The following TMEM135 variants were observed in gnomAD, a reference collection of about 807,000 sequenced individuals.
TMEM135 encodes the protein transmembrane protein 135, also known as peroxisomal membrane protein 52.
Under a neutral mutation model 60.3 loss-of-function variants are expected in TMEM135, and 30 were observed. That is an observed-to-expected ratio of 0.50 (90% confidence interval 0.37 to 0.68). The LOEUF (loss-of-function observed/expected upper bound fraction) is 0.68, where lower values mean the gene tolerates loss of function less well. TMEM135 is among the 30% of genes least tolerant of loss of function. The probability of loss-of-function intolerance (pLI) is 0.00; values close to 1 mark genes in which losing one functional copy is unlikely to be tolerated. For missense variants in TMEM135, 468 were observed against 548.8 expected, an observed-to-expected ratio of 0.85 and a Z score of 1.47; for synonymous variants, 190 against 186.7, an observed-to-expected ratio of 1.02 and a Z score of -0.14.
chr11:87,317,691 G>C (rs1942756380), intron 12 of TMEM135, among the ~76,000 whole-genome samples: 1 of 152,160 alleles, frequency 6.6e-6, no homozygotes, highest in Non-Finnish European at 1.5e-5. Context: ...AGTTGAAGAA[G>C]AGAAGGCTGT....
At chr11:87,250,890 C>T (rs76727534) in intron 6 of TMEM135, among the ~76,000 whole-genome samples, 59 of 152,194 alleles carry the variant, frequency 3.9e-4, no homozygotes, top group Admixed American at 2.9e-3. Flanking sequence ...GGGAGTATAT[C>T]ACAGGTAATA....
chr11:87,327,444 T>C lies in TMEM135; in HGVS notation c.*6111T>C. On this transcript the variant is annotated 3_prime_UTR_variant, in exon 15 of 15. Coordinates refer to ENST00000305494, the MANE Select transcript of TMEM135 (RefSeq NM_022918.4). The stretch of plus-strand genomic sequence containing the variant: ...CATTAACCATCTGCATTTGAGCATT[T>C]TGAGAAAATAAACCTCTATTTCTTA... 1 of 454,026 alleles carries C rather than the reference T, an allele frequency of 2.2e-6. No homozygotes were observed. The highest frequency in any genetic ancestry group is 4.4e-6 in the Non-Finnish European group (1 of 226,778). 28.1% of individuals were successfully genotyped at this position (454,026 alleles called of 1,614,324 possible).
rs554263481 is a variant in TMEM135 at position 87,315,667 on chromosome 11, C to G, written c.1077+1120C>G. Among the ~76,000 whole-genome samples, 10 of 151,926 alleles carry G rather than the reference C, an allele frequency of 6.6e-5. No homozygotes were observed. In the South Asian group the frequency reaches 2.1e-3, roughly 32 times the overall value. On this transcript the variant is annotated intron_variant, in intron 12 of 14. Coordinates refer to ENST00000305494, the MANE Select transcript of TMEM135 (RefSeq NM_022918.4). ...CTGAAATTGTTCTAAATGCATTTTT[C>G]CTTTTCAACTATTTGGTTACTCTGA...
intron 10 of TMEM135, among the ~76,000 whole-genome samples, chr11:87,313,027 T>G (rs188941258): frequency 3.2e-4 from 48 of 152,000 alleles, no homozygotes; most frequent in African/African-American, 1.0e-3. Context: ...GGAAAAAATC[T>G]TTGTTTCACC....
chr11:87,157,074 GTTTTTTT>G (rs199977904), intron 4 of TMEM135, among the ~76,000 whole-genome samples: 2 of 137,876 alleles, frequency 1.5e-5, no homozygotes, highest in Non-Finnish European at 3.1e-5. Context: ...TCTTTCTTTT[GTTTTTTT>G]TTTTTTTTAG....
In TMEM135 at chr11:87,244,146, A is replaced by G. The variant is rs1591133027; in HGVS notation, c.509+7462A>G. ...GTCTTTGGCTCTGTTTATATGCTGG[A>G]TTACATTTATTGATTTGCGTATATT... On this transcript the variant is annotated intron_variant, in intron 6 of 14. Coordinates refer to ENST00000305494, the MANE Select transcript of TMEM135 (RefSeq NM_022918.4). Among the ~76,000 whole-genome samples, 2 of 70,218 alleles carry G rather than the reference A, an allele frequency of 2.8e-5. 1 individual carries two copies. The allele number at this position is 70,218 out of a possible 152,430, so 46.1% of individuals were successfully genotyped here. A position where few individuals can be genotyped will look rare whatever the true frequency, so the allele number is the denominator to read the frequency against.
intron 6 of TMEM135, among the ~76,000 whole-genome samples, chr11:87,267,611 C>T (rs1365467827): frequency 2.0e-5 from 3 of 152,096 alleles, no homozygotes; most frequent in Admixed American, 1.3e-4. Flanking sequence ...TTTTGTGATA[C>T]ACTATATAAA....
intron 3 of TMEM135, among the ~76,000 whole-genome samples, chr11:87,077,111 C>T (rs898528390): frequency 6.6e-6 from 1 of 152,180 alleles, no homozygotes; most frequent in South Asian, 2.1e-4. Flanking sequence ...CAAGGATTGC[C>T]CTTGAACTAT....
chr11:87,076,260 C>T (rs1292709824), intron 3 of TMEM135, among the ~76,000 whole-genome samples: 1 of 152,228 alleles, frequency 6.6e-6, no homozygotes, highest in Non-Finnish European at 1.5e-5. Flanking sequence ...TAAAGTCCTT[C>T]CCACTCTTCC....
chr11:87,159,635 C>T (rs547947660), intron 5 of TMEM135, among the ~76,000 whole-genome samples: 73 of 142,432 alleles, frequency 5.1e-4, no homozygotes, highest in East Asian at 1.1e-3. Context: ...TTTTCCGAGA[C>T]GGTTGGCTAA....
intron 4 of TMEM135, among the ~76,000 whole-genome samples, chr11:87,150,550 C>G (rs747381864): frequency 6.6e-6 from 1 of 152,306 alleles, no homozygotes; most frequent in Admixed American, 6.5e-5. Context: ...ATATTCTGTT[C>G]AAACTGTGTA....
chr11:87,229,509 C>A (rs1940841749), intron 5 of TMEM135, among the ~76,000 whole-genome samples: 2 of 152,134 alleles, frequency 1.3e-5, no homozygotes, highest in Non-Finnish European at 2.9e-5. Context: ...TAGCTACTTT[C>A]ATATGCTGTT....
At chr11:87,123,988 T>C (rs1326225169) in intron 4 of TMEM135, among the ~76,000 whole-genome samples, 1 of 152,214 alleles carries the variant, frequency 6.6e-6, no homozygotes, top group Admixed American at 6.5e-5. Flanking sequence ...TGAAACTAAG[T>C]GATGATAATG....
At chr11:87,320,448 CT>C (rs1302549935) in intron 14 of TMEM135, among the ~76,000 whole-genome samples, 2 of 152,128 alleles carry the variant, frequency 1.3e-5, no homozygotes, top group Non-Finnish European at 2.9e-5. Context: ...AGGGAACTTA[CT>C]TTGGAAAAGT....
chr11:87,061,067 G>GTAC (rs1565424890), intron 1 of TMEM135, among the ~76,000 whole-genome samples: 1 of 152,122 alleles, frequency 6.6e-6, no homozygotes, highest in Non-Finnish European at 1.5e-5. Flanking sequence ...AATAGTTGTG[G>GTAC]GGTAAAGATT....
intron 6 of TMEM135, among the ~76,000 whole-genome samples, chr11:87,287,236 A>T (rs567257912): frequency 3.3e-5 from 5 of 152,366 alleles, no homozygotes; most frequent in Non-Finnish European, 7.3e-5. Flanking sequence ...TCAAGTGATC[A>T]GCAACACAAT....
At chr11:87,195,156 T>C (rs976079238) in intron 5 of TMEM135, among the ~76,000 whole-genome samples, 1 of 152,224 alleles carries the variant, frequency 6.6e-6, no homozygotes, top group African/African-American at 2.4e-5. Context: ...AGACATCGAA[T>C]GCAAATCCAA....
intron 6 of TMEM135, among the ~76,000 whole-genome samples, chr11:87,267,261 GA>G (rs1941768878): frequency 6.6e-6 from 1 of 151,994 alleles, no homozygotes; most frequent in African/African-American, 2.4e-5. Context: ...GGGAATGGAT[GA>G]AAAAAATTAT....
At chr11:87,285,342 T>A (rs143841073) in intron 6 of TMEM135, among the ~76,000 whole-genome samples, 1 of 152,234 alleles carries the variant, frequency 6.6e-6, no homozygotes, top group African/African-American at 2.4e-5. Context: ...TCTCACTGAC[T>A]TCAAGAATGA....
Sources: allele counts gnomAD v4.1 joint callset (sites outside exome capture counted in the v4.1 genomes callset), GRCh38; gene constraint gnomAD v4.1.1; transcripts MANE v1.5; gene names NCBI Gene and HGNC (gene_info 2026-07-23, HGNC 2026-07-21).